The following SLC9B2 variants were observed in gnomAD, a reference collection of about 807,000 sequenced individuals.
SLC9B2 encodes solute carrier family 9 member B2.
SLC9B2 carries 39 observed loss-of-function variants against 52.2 expected under a neutral mutation model. That is an observed-to-expected ratio of 0.75 (90% CI 0.58 to 0.98). The LOEUF (loss-of-function observed/expected upper bound fraction) is 0.98. Among genes scored for constraint, SLC9B2 ranks in the 50% least tolerant of loss-of-function variants. The pLI, the probability that SLC9B2 is intolerant of heterozygous loss-of-function variation, is 0.00. For missense variants in SLC9B2, 626 were observed against 637.5 expected (o/e 0.98, Z 0.19); for synonymous variants, 214 against 227.0 (o/e 0.94, Z 0.51).
rs1560561057 is a variant in SLC9B2 at position 103,067,458 on chromosome 4, T to C, written c.90+3A>G. On this transcript the variant is annotated splice_donor_region_variant and intron_variant, in intron 2 of 11. Transcript: ENST00000394785. ...ACACAATTCTATCACAGCTTAGATTTACCTGTGCTTCTTGATGCATGGAGG... is the reference window on the plus strand; with the variant it reads ...ACACAATTCTATCACAGCTTAGATTCACCTGTGCTTCTTGATGCATGGAGG... The C allele has an allele frequency of 6.2e-7, 1 of 1,609,466 alleles. No individual in the cohort carries two copies. The highest frequency in any genetic ancestry group is 8.5e-7 in the Non-Finnish European group (1 of 1,176,104).
intron 11 of SLC9B2, 35 bp from the exon 12 acceptor site, chr4:103,026,626 T>C (rs749070703): frequency 1.3e-6 from 2 of 1,580,640 alleles, no homozygotes; most frequent in Non-Finnish European, 1.7e-6. Context: ...GGAATCATGA[T>C]AAGATAAGCA....
At chr4:103,046,246 C>CT (rs1744111105) in intron 7 of SLC9B2, among the ~76,000 whole-genome samples, 1 of 152,294 alleles carries the variant, frequency 6.6e-6, no homozygotes, top group South Asian at 2.1e-4. Flanking sequence ...TACAATTATA[C>CT]TTTGTCAATC....
intron 4 of SLC9B2, among the ~76,000 whole-genome samples, chr4:103,053,867 C>A (rs1273959907): frequency 1.3e-5 from 2 of 152,068 alleles, no homozygotes; most frequent in Non-Finnish European, 2.9e-5. Context: ...CCATGCCTGG[C>A]TAATTTTTTG....
At position 103,035,040 on chromosome 4, in the gene SLC9B2, T is replaced by C. The variant is rs112112896; in HGVS notation, c.1147-3232A>G. Among the ~76,000 whole-genome samples the C allele has an allele frequency of 2.0e-3, 297 of 152,304 alleles. 5 individuals carry two copies. The highest frequency in any genetic ancestry group is 6.7e-3 in the African/African-American group (277 of 41,570). Reference sequence around the variant, plus strand: ...GTGCAGGTTTGTTACATAGGTAAACTTGTGTTATGGCAGTTTGTTGTACAG... The same window carrying C: ...GTGCAGGTTTGTTACATAGGTAAACCTGTGTTATGGCAGTTTGTTGTACAG... On this transcript the variant is annotated intron_variant, in intron 9 of 11. Coordinates refer to ENST00000394785, the MANE Select transcript of SLC9B2 (RefSeq NM_178833.7).
At chr4:103,070,661 C>T (rs535899212) in intron 1 of SLC9B2, among the ~76,000 whole-genome samples, 2 of 152,306 alleles carry the variant, frequency 1.3e-5, no homozygotes, top group South Asian at 4.1e-4. Flanking sequence ...AGGCTGGTCT[C>T]CAACTCCTGA....
intron 9 of SLC9B2, among the ~76,000 whole-genome samples, chr4:103,040,296 A>C (rs1465179107): frequency 6.6e-6 from 1 of 152,244 alleles, no homozygotes; most frequent in African/African-American, 2.4e-5. Flanking sequence ...CACTCAGAAT[A>C]GTAATGAAAG....
chr4:103,034,720 A>G (rs879519577), intron 9 of SLC9B2, among the ~76,000 whole-genome samples: 4 of 152,102 alleles, frequency 2.6e-5, no homozygotes, highest in Admixed American at 6.6e-5. Context: ...TCACTAATCA[A>G]TGGGGAAATG....
chr4:103,063,596 G>GA lies in SLC9B2; in HGVS notation c.271+2730dup, dbSNP rs140046977. ...AAGACATAAAATTATGAAACTATTA[G>GA]AAAAAAAACATAAATAAAAAGCTCC... is the stretch of plus-strand genomic sequence containing the variant. On this transcript the variant is annotated intron_variant, in intron 3 of 11. Coordinates refer to ENST00000394785, the MANE Select transcript of SLC9B2 (RefSeq NM_178833.7). Among the ~76,000 whole-genome samples the GA allele has an allele frequency of 2.6e-5, 4 of 151,534 alleles. No homozygotes were observed. The East Asian group carries it at 5.8e-4, about 22-fold the overall frequency.
At chr4:103,058,172 T>C (rs1361705774) in intron 3 of SLC9B2, among the ~76,000 whole-genome samples, 1 of 152,218 alleles carries the variant, frequency 6.6e-6, no homozygotes, top group East Asian at 1.9e-4. Context: ...CCAGTACTTT[T>C]GAATCTGCCT....
chr4:103,071,702 G>A (rs1578487288), intron 1 of SLC9B2, among the ~76,000 whole-genome samples: 1 of 151,928 alleles, frequency 6.6e-6, no homozygotes, highest in Non-Finnish European at 1.5e-5. Context: ...AATAGGGATG[G>A]GTTTCACTAT....
Position 103,026,397 on chromosome 4 carries a change from A to G in SLC9B2, c.1587T>C (p.Val529=). 6.2e-7 allele frequency: 1 copy of G among 1,613,280 alleles called. No homozygotes were observed. Among genetic ancestry groups the G allele is most frequent in the South Asian group, 1.1e-5 (1 of 90,962 alleles). ...KVEHQNKDEE[V]QGETSVQV The stretch of plus-strand genomic sequence containing the variant: ...AAACTTGCACAGAAGTCTCTCCTTG[A>G]ACTTCTTCATCTTTATTTTGATGTT... Residue 529 remains valine (V), a synonymous_variant, in exon 12 of 12, where the codon GTT becomes GTC. Coordinates refer to ENST00000394785, the MANE Select transcript of SLC9B2 (RefSeq NM_178833.7).
intron 11 of SLC9B2, among the ~76,000 whole-genome samples, chr4:103,028,172 G>A (rs771727457): frequency 1.3e-5 from 2 of 151,820 alleles, no homozygotes; most frequent in Non-Finnish European, 2.9e-5. Flanking sequence ...ACAAATTTTC[G>A]GTTAAGTGAT....
At chr4:103,035,571 A>G (rs1224101325) in intron 9 of SLC9B2, among the ~76,000 whole-genome samples, 2 of 152,140 alleles carry the variant, frequency 1.3e-5, no homozygotes, top group African/African-American at 2.4e-5. Flanking sequence ...GTCTTCCACA[A>G]TGGTTGAATT....
At chr4:103,067,770 T>A (rs1424831606) in intron 1 of SLC9B2, among the ~76,000 whole-genome samples, 178 bp from the exon 2 acceptor site, 3 of 152,216 alleles carry the variant, frequency 2.0e-5, no homozygotes, top group East Asian at 1.9e-4. Context: ...TATATTATCA[T>A]CATTCTTATC....
At chr4:103,035,345 G>C (rs1180695177) in intron 9 of SLC9B2, among the ~76,000 whole-genome samples, 1 of 151,502 alleles carries the variant, frequency 6.6e-6, no homozygotes, top group Admixed American at 6.6e-5. Context: ...TATTCGATGG[G>C]GTATATATAC....
At chr4:103,043,043 G>A (rs948272465) in intron 9 of SLC9B2, among the ~76,000 whole-genome samples, 11 of 151,800 alleles carry the variant, frequency 7.2e-5, no homozygotes, top group Non-Finnish European at 1.0e-4. Flanking sequence ...GCAATACTCC[G>A]TAGCCATTAC....
At chr4:103,020,176 T>C, downstream of SLC9B2, 3 of 303,910 alleles carry the variant, frequency 9.9e-6, no homozygotes, top group South Asian at 7.9e-5. Context: ...AAATGAGACA[T>C]GGCAAGTGTC....
chr4:103,042,603 T>C (rs1263055462), intron 9 of SLC9B2, among the ~76,000 whole-genome samples: 1 of 151,314 alleles, frequency 6.6e-6, no homozygotes, highest in Non-Finnish European at 1.5e-5. Context: ...TAATGAGATA[T>C]ATTTTTAATT....
At chr4:103,063,026 A>G (rs938136167) in intron 3 of SLC9B2, among the ~76,000 whole-genome samples, 15 of 152,352 alleles carry the variant, frequency 9.8e-5, no homozygotes, top group Middle Eastern at 6.8e-3. Context: ...TGAGATGTTT[A>G]TCTACCATGA....
Sources: gnomAD v4.1 joint callset for allele counts (sites outside exome capture counted in the v4.1 genomes callset) on GRCh38, gnomAD v4.1.1 for gene constraint, MANE v1.5 for transcripts, NCBI Gene and HGNC (gene_info 2026-07-23, HGNC 2026-07-21) for gene names.